Variants in ERICH1 observed in about 807,000 individuals in gnomAD.
The protein encoded by ERICH1 is glutamate-rich protein 1.
A neutral mutation model predicts 39.6 loss-of-function variants in ERICH1; 56 were observed. The observed-to-expected ratio is 1.41, with a 90% confidence interval of 1.14 to 1.77. The LOEUF is 1.77. Among genes scored for constraint, ERICH1 ranks in the 40% most tolerant of loss-of-function variants. ERICH1 has a pLI of 0.00. For synonymous variants in ERICH1, 313 were observed against 223.6 expected (o/e 1.40, Z -3.57); for missense variants, 826 against 575.4 (o/e 1.44, Z -4.45).
chr8:699,973 A>G (rs369638937), intron 2 of ERICH1, among the ~76,000 whole-genome samples: 6,650 of 85,966 alleles, frequency 0.077, 669 homozygotes, highest in Non-Finnish European at 0.13. Context: ...ACGCGCACAG[A>G]CCCGCACACG....
chr8:638,877 G>A (rs1798675791), intron 3 of ERICH1, among the ~76,000 whole-genome samples: 1 of 152,154 alleles, frequency 6.6e-6, no homozygotes, highest in African/African-American at 2.4e-5. Flanking sequence ...TCGCTGCTCA[G>A]TGGACGCTGC....
Position 636,117 on chromosome 8 carries a change from G to A in ERICH1, c.977-20833C>T, listed in dbSNP as rs543676928. Among the ~76,000 whole-genome samples, 90 of 152,334 alleles carry A rather than the reference G, an allele frequency of 5.9e-4. No individual in the cohort carries two copies. In the South Asian group the frequency reaches 0.014, roughly 23 times the overall value. ...TAGCATTCTCTGTGGAAAACACTCA[G>A]CCTGGGGCTAATGTCTGGCGCGCTC... is the stretch of plus-strand genomic sequence containing the variant. On this transcript the variant is annotated intron_variant, in intron 3 of 3. Coordinates refer to the ERICH1 transcript ENST00000522706.
At chr8:630,023 T>A (rs369135246) in intron 3 of ERICH1, among the ~76,000 whole-genome samples, 184 of 111,246 alleles carry the variant, frequency 1.7e-3, no homozygotes, top group Middle Eastern at 8.9e-3. Context: ...CAAAGCTGAC[T>A]CACACCCTCC....
At chr8:649,710 G>A (rs956054819) in intron 3 of ERICH1, among the ~76,000 whole-genome samples, 3 of 152,178 alleles carry the variant, frequency 2.0e-5, no homozygotes, top group Admixed American at 6.5e-5. Context: ...GGAAGACGGG[G>A]CTCCAAGGCC....
At chr8:705,699 A>G in intron 2 of ERICH1, among the ~76,000 whole-genome samples, 1 of 152,186 alleles carries the variant, frequency 6.6e-6, no homozygotes, top group East Asian at 1.9e-4. Context: ...CAACAACAAC[A>G]ACAAAAGGAA....
intron 2 of ERICH1, among the ~76,000 whole-genome samples, chr8:700,727 C>A (rs2132192752): frequency 6.6e-6 from 1 of 152,314 alleles, no homozygotes; most frequent in African/African-American, 2.4e-5. Flanking sequence ...GGAGGTCCTG[C>A]CCCATCGGAT....
At chr8:684,858 G>A (rs546041970) in intron 3 of ERICH1, among the ~76,000 whole-genome samples, 3 of 152,172 alleles carry the variant, frequency 2.0e-5, no homozygotes, top group East Asian at 3.9e-4. Context: ...GTACAAATAC[G>A]GTATGGGTCA....
At chr8:640,415 G>A (rs1305628332) in intron 3 of ERICH1, among the ~76,000 whole-genome samples, 1 of 152,204 alleles carries the variant, frequency 6.6e-6, no homozygotes, top group Admixed American at 6.5e-5. Context: ...ATTCTGTAAT[G>A]AGATTTTACT....
At chr8:616,500 C>T (rs1271437342) in intron 3 of ERICH1, 1 of 455,852 alleles carries the variant, frequency 2.2e-6, no homozygotes, top group African/African-American at 2.0e-5. Flanking sequence ...CAGAGCACTG[C>T]TCCCAGGAAT....
chr8:682,755 G>C (rs763629184), intron 3 of ERICH1, among the ~76,000 whole-genome samples: 1 of 152,224 alleles, frequency 6.6e-6, no homozygotes, highest in Non-Finnish European at 1.5e-5. Context: ...GAAATAGTTA[G>C]ATAACAAAAA....
chr8:694,720 A>C (rs1809733396), intron 2 of ERICH1, among the ~76,000 whole-genome samples: 1 of 152,190 alleles, frequency 6.6e-6, no homozygotes, highest in South Asian at 2.1e-4. Context: ...TTCTGGTTCT[A>C]ACTTTTTATA....
At chr8:652,543 C>T (rs763650381) in intron 3 of ERICH1, among the ~76,000 whole-genome samples, 2 of 152,230 alleles carry the variant, frequency 1.3e-5, no homozygotes, top group Admixed American at 6.5e-5. Context: ...ATTAATCCCA[C>T]CTCATTCACT....
intron 3 of ERICH1, among the ~76,000 whole-genome samples, chr8:641,510 A>G (rs1044047911): frequency 1.3e-5 from 2 of 152,262 alleles, no homozygotes; most frequent in East Asian, 3.8e-4. Context: ...GTAAAGGTTA[A>G]TAGCCTGTAT....
chr8:700,302 C>T lies in ERICH1; in HGVS notation c.170-7690G>A, dbSNP rs1163279531. Reference sequence around the variant, plus strand: ...ACAGACCCGCACAGGCCCGGACACGCGCACAGACCCGCACACGCGCACAGG... The same window carrying T: ...ACAGACCCGCACAGGCCCGGACACGTGCACAGACCCGCACACGCGCACAGG... On this transcript the variant is annotated intron_variant, in intron 2 of 5. Transcript: ENST00000262109. 5.3e-4 allele frequency among the ~76,000 whole-genome samples: 59 copies of T among 110,938 alleles called. 4 individuals are homozygous for T. The highest frequency in any genetic ancestry group is 1.7e-3 in the African/African-American group (58 of 34,138). The allele number at this position is 110,938 out of a possible 152,430, so 72.8% of individuals were successfully genotyped here. A position where few individuals can be genotyped will look rare whatever the true frequency, so the allele number is the denominator to read the frequency against.
intron 3 of ERICH1, among the ~76,000 whole-genome samples, chr8:683,372 C>G (rs1806567867): frequency 6.6e-6 from 1 of 152,206 alleles, no homozygotes; most frequent in Non-Finnish European, 1.5e-5. Context: ...TCCCCAGGGC[C>G]TCAGCCACCA....
At chr8:634,964 G>GAGGGAA (rs1388278123) in intron 3 of ERICH1, among the ~76,000 whole-genome samples, 1 of 152,214 alleles carries the variant, frequency 6.6e-6, no homozygotes, top group Non-Finnish European at 1.5e-5. Flanking sequence ...GGGAAGGAAG[G>GAGGGAA]AGGGAAAGGG....
intron 3 of ERICH1, among the ~76,000 whole-genome samples, chr8:653,725 G>A (rs529471850): frequency 3.0e-3 from 450 of 152,326 alleles, no homozygotes; most frequent in Non-Finnish European, 5.3e-3. Flanking sequence ...GCTATAACAC[G>A]AGGAACCCTG....
At chr8:678,314 C>T (rs1026763341) in intron 3 of ERICH1, among the ~76,000 whole-genome samples, 2 of 151,998 alleles carry the variant, frequency 1.3e-5, no homozygotes, top group Non-Finnish European at 2.9e-5. Flanking sequence ...ACGGAAGTGC[C>T]GATACGTCTT....
chr8:625,511 G>T (rs765312807), intron 3 of ERICH1, among the ~76,000 whole-genome samples: 1 of 152,186 alleles, frequency 6.6e-6, no homozygotes, highest in Non-Finnish European at 1.5e-5. Flanking sequence ...AGAGCACGGG[G>T]TGTCTTGGGG....
Sources: allele counts gnomAD v4.1 joint callset (sites outside exome capture counted in the v4.1 genomes callset), GRCh38; gene constraint gnomAD v4.1.1; transcripts MANE v1.5; gene names NCBI Gene and HGNC (gene_info 2026-07-23, HGNC 2026-07-21).